GGA2: variants seen among roughly 807,000 people sequenced by gnomAD.
GGA2 encodes the protein ADP-ribosylation factor-binding protein GGA2.
In GGA2, 48 loss-of-function variants were observed where a neutral mutation model predicts 79.5. The observed-to-expected ratio is 0.60, with a 90% CI of 0.48 to 0.77. The LOEUF is 0.77. Ranked by LOEUF, GGA2 falls within the 30% of genes least tolerant of loss-of-function variation. GGA2 has a pLI of 0.00. For missense variants in GGA2, 770 were observed against 774.0 expected (o/e 0.99, Z 0.06); for synonymous variants, 317 against 302.0 (o/e 1.05, Z -0.51).
intron 2 of GGA2, chr16:23,495,233 G>C (rs1942237768): frequency 1.3e-5 from 2 of 152,522 alleles, no homozygotes; most frequent in African/African-American, 4.8e-5. Flanking sequence ...ACATTTAAAT[G>C]GTGGAGAATA....
At chr16:23,468,004 C>A (rs950797499) in intron 16 of GGA2, among the ~76,000 whole-genome samples, 8 of 152,164 alleles carry the variant, frequency 5.3e-5, no homozygotes, top group African/African-American at 1.9e-4. Context: ...CCAGCTATGA[C>A]AATCCATCTG....
intron 5 of GGA2, among the ~76,000 whole-genome samples, chr16:23,490,286 C>T (rs535777151): frequency 1.3e-5 from 2 of 152,314 alleles, no homozygotes; most frequent in South Asian, 2.1e-4. Flanking sequence ...ATCCTGTCTA[C>T]CAAAAGGAAA....
chr16:23,491,093 G>A (rs1204215553), intron 5 of GGA2, among the ~76,000 whole-genome samples: 1 of 151,962 alleles, frequency 6.6e-6, no homozygotes, highest in Non-Finnish European at 1.5e-5. Context: ...GAGAGAGGAA[G>A]AGAGTGTGTG....
chr16:23,483,497 T>G (rs1328092998), intron 8 of GGA2, among the ~76,000 whole-genome samples: 1 of 152,146 alleles, frequency 6.6e-6, no homozygotes, highest in African/African-American at 2.4e-5. Flanking sequence ...TCTCCTCCTG[T>G]GCAGAGAGAC....
At chr16:23,488,218 C>T (rs770178242) in intron 6 of GGA2, among the ~76,000 whole-genome samples, 24 of 152,076 alleles carry the variant, frequency 1.6e-4, no homozygotes, top group Admixed American at 4.6e-4. Context: ...ACACTCCCCA[C>T]GGGCTATCCT....
intron 1 of GGA2, among the ~76,000 whole-genome samples, chr16:23,509,048 T>C (rs1416493386): frequency 6.6e-6 from 1 of 151,980 alleles, no homozygotes; most frequent in Non-Finnish European, 1.5e-5. Flanking sequence ...AAGAGCTTTT[T>C]AGCCGCTCTC....
chr16:23,515,812 G>C (rs564021110), intron 2 of GGA2, among the ~76,000 whole-genome samples: 4 of 152,206 alleles, frequency 2.6e-5, no homozygotes, highest in African/African-American at 4.8e-5. Context: ...TACACAAGCA[G>C]ATCAGATGAC....
intron 1 of GGA2, among the ~76,000 whole-genome samples, chr16:23,500,027 A>T (rs1399466477): frequency 1.3e-5 from 2 of 152,158 alleles, no homozygotes; most frequent in East Asian, 3.9e-4. Context: ...AGTTGGTGGG[A>T]AGCAGTGGAA....
chr16:23,501,531 C>T (rs1027864831), intron 1 of GGA2: 6 of 348,454 alleles, frequency 1.7e-5, no homozygotes, highest in Non-Finnish European at 2.9e-5. Context: ...TTTAGTTTTC[C>T]TCACAAAGAT....
rs74012184 is a variant in GGA2, at chr16:23,498,740, A to G, written c.92-2962T>C. Among the ~76,000 whole-genome samples, 876 of 152,322 alleles carry G rather than the reference A, an allele frequency of 5.8e-3. 13 individuals are homozygous for G. Among genetic ancestry groups the G allele is most frequent in the African/African-American group, 0.02 (831 of 41,566 alleles). On this transcript the variant is annotated intron_variant, in intron 1 of 16. Transcript: ENST00000309859. ...CTGGCTTTTACTGTAATATGTAGAC[A>G]TGTCTTGTCCTACCTAAAGAGAATG... is the stretch of plus-strand genomic sequence containing the variant.
chr16:23,514,083 G>A (rs1211985633), upstream of GGA2, among the ~76,000 whole-genome samples: 1 of 151,924 alleles, frequency 6.6e-6, no homozygotes, highest in Non-Finnish European at 1.5e-5. Context: ...ATTTCTGAAA[G>A]CTCCCATGTC....
At chr16:23,522,874 T>C (rs1597003662), upstream of GGA2, 3 of 152,308 alleles carry the variant, frequency 2.0e-5, no homozygotes, top group South Asian at 6.2e-4. Flanking sequence ...TGGCTGGAAT[T>C]GAAGGACCAG....
chr16:23,511,071 G>A (rs1965052219), upstream of GGA2, among the ~76,000 whole-genome samples: 1 of 150,918 alleles, frequency 6.6e-6, no homozygotes, highest in South Asian at 2.1e-4. Context: ...GTTTCACCAT[G>A]TTGCCCGGGT....
At chr16:23,482,245 C>CA (rs1964657249) in intron 9 of GGA2, among the ~76,000 whole-genome samples, 1 of 152,072 alleles carries the variant, frequency 6.6e-6, no homozygotes, top group South Asian at 2.1e-4. Flanking sequence ...ACCTGGACGA[C>CA]AGAGCGAGAC....
intron 5 of GGA2, among the ~76,000 whole-genome samples, chr16:23,490,829 G>A (rs1964773961): frequency 6.6e-6 from 1 of 151,898 alleles, no homozygotes; most frequent in Admixed American, 6.6e-5. Context: ...ATGTCTGCAC[G>A]TTGTTACTTT....
Position 23,478,451 on chromosome 16 carries a change from C to A in GGA2, c.1209G>T (p.Thr403=). The A allele has an allele frequency of 1.2e-6, 2 of 1,611,104 alleles. No homozygotes were observed. The highest frequency in any genetic ancestry group is 3.3e-5 in the Admixed American group (2 of 59,764). The change falls in exon 13 of 17, where the codon ACG becomes ACT. Residue 403 remains threonine (T), a synonymous_variant. Transcript: ENST00000309859. ...CEEKRNPSSS[T]LPGGGVQNPS... Reference sequence around the variant, plus strand: ...GGTTCTGAACACCACCGCCTGGCAGCGTGCTGGAGGAGGGATTCCTCTTTT... The same window carrying A: ...GGTTCTGAACACCACCGCCTGGCAGAGTGCTGGAGGAGGGATTCCTCTTTT...
At chr16:23,520,128 C>T (rs1965127545) in intron 1 of GGA2, among the ~76,000 whole-genome samples, 1 of 151,988 alleles carries the variant, frequency 6.6e-6, no homozygotes, top group Admixed American at 6.6e-5. Context: ...TGGCACATGC[C>T]TGTAATCCCA....
At chr16:23,522,063 G>A (rs922541533), upstream of GGA2, 10 of 314,846 alleles carry the variant, frequency 3.2e-5, no homozygotes, top group East Asian at 7.5e-5. Flanking sequence ...AGGCATTTAC[G>A]AGCATTATCT....
rs1335037001 is a variant in GGA2 at position 23,467,386 on chromosome 16, G to A, written c.*204C>T. On this transcript the variant is annotated 3_prime_UTR_variant, in exon 17 of 17. Coordinates refer to ENST00000309859, the MANE Select transcript of GGA2 (RefSeq NM_015044.4). ...AGCCCTGTGCTACCACCCTCTCCCC[G>A]AACACACACACACACACACACACAC... 1.9e-5 allele frequency: 5 copies of A among 264,858 alleles called. No individual in the cohort carries two copies. The highest frequency in any genetic ancestry group is 7.3e-5 in the Admixed American group (1 of 13,734). The allele number at this position is 264,858 out of a possible 1,614,324, so 16.4% of individuals were successfully genotyped here.
Sources: allele counts gnomAD v4.1 joint callset (sites outside exome capture counted in the v4.1 genomes callset), GRCh38; gene constraint gnomAD v4.1.1; transcripts MANE v1.5; gene names NCBI Gene and HGNC (gene_info 2026-07-23, HGNC 2026-07-21).